TCF7L1: variants seen among roughly 807,000 people sequenced by gnomAD.
TCF7L1 encodes the protein transcription factor 7-like 1.
A neutral mutation model predicts 63.7 loss-of-function variants in TCF7L1; 18 were observed. The ratio of observed to expected loss-of-function variants is 0.28; its 90% CI spans 0.20 to 0.42. TCF7L1 has a LOEUF of 0.42. Ranked by LOEUF, TCF7L1 falls within the 10% of genes least tolerant of loss-of-function variation. The pLI, the probability that TCF7L1 is intolerant of heterozygous loss-of-function variation, is 1.00. For synonymous variants in TCF7L1, 355 were observed against 340.9 expected (o/e 1.04, Z -0.46); for missense variants, 654 against 779.3 (o/e 0.84, Z 1.91).
At chr2:85,270,665 C>T (rs1458547149) in intron 3 of TCF7L1, among the ~76,000 whole-genome samples, 1 of 152,062 alleles carries the variant, frequency 6.6e-6, no homozygotes, top group Admixed American at 6.6e-5. Context: ...TTTGCTATCC[C>T]AAGATTCCGA....
chr2:85,185,286 G>T lies in TCF7L1; in HGVS notation c.441+50836G>T, dbSNP rs143670190. Among the ~76,000 whole-genome samples, 1,372 of 151,862 alleles carry T rather than the reference G, an allele frequency of 9.0e-3. 19 individuals carry two copies. The highest frequency in any genetic ancestry group is 0.031 in the African/African-American group (1,295 of 41,394). On this transcript the variant is annotated intron_variant, in intron 3 of 11. Coordinates refer to ENST00000282111, the MANE Select transcript of TCF7L1 (RefSeq NM_031283.3). ...CATTTTTTTTTTTAAGAGATGGTGT[G>T]TTGCTCTGTCACCCAGGCTGGAGTG...
intron 3 of TCF7L1, among the ~76,000 whole-genome samples, chr2:85,203,598 G>A (rs1481992284): frequency 1.1e-4 from 17 of 152,034 alleles, no homozygotes; most frequent in Admixed American, 1.1e-3. Flanking sequence ...GCGTGGTGGT[G>A]TGTGCCTGTA....
At chr2:85,156,976 C>G (rs564555827) in intron 3 of TCF7L1, among the ~76,000 whole-genome samples, 1 of 152,304 alleles carries the variant, frequency 6.6e-6, no homozygotes, top group African/African-American at 2.4e-5. Flanking sequence ...ATGTTGCTAA[C>G]CATCTTACAA....
chr2:85,198,900 C>A (rs554945784), intron 3 of TCF7L1, among the ~76,000 whole-genome samples: 57 of 152,280 alleles, frequency 3.7e-4, no homozygotes, highest in African/African-American at 1.1e-3. Flanking sequence ...CAGTAGTGAT[C>A]TAAATAAGTG....
intron 3 of TCF7L1, chr2:85,167,397 G>GTA (rs1356623121): frequency 1.3e-5 from 2 of 152,112 alleles, no homozygotes; most frequent in Non-Finnish European, 2.9e-5. Flanking sequence ...TCATTACTGG[G>GTA]TATATATCCA....
intron 3 of TCF7L1, among the ~76,000 whole-genome samples, chr2:85,200,390 T>C (rs918978997): frequency 2.6e-5 from 4 of 152,204 alleles, no homozygotes; most frequent in African/African-American, 7.2e-5. Flanking sequence ...ACTTATTTTG[T>C]AGGCTATATG....
chr2:85,222,702 TA>T (rs981535310), intron 3 of TCF7L1, among the ~76,000 whole-genome samples: 2 of 149,852 alleles, frequency 1.3e-5, no homozygotes, highest in Admixed American at 6.6e-5. Flanking sequence ...TTAAAGGCTT[TA>T]AAAAAGAATA....
At chr2:85,176,505 A>C (rs191805594) in intron 3 of TCF7L1, among the ~76,000 whole-genome samples, 2 of 152,276 alleles carry the variant, frequency 1.3e-5, no homozygotes, top group Admixed American at 1.3e-4. Flanking sequence ...CCCCATGGCA[A>C]GTTCGCATCC....
intron 3 of TCF7L1, among the ~76,000 whole-genome samples, chr2:85,261,872 C>T (rs1680864507): frequency 6.6e-6 from 1 of 152,202 alleles, no homozygotes; most frequent in Non-Finnish European, 1.5e-5. Context: ...CAGAGCAAGA[C>T]AGCATCTCTT....
At chr2:85,152,957 C>T (rs573783165) in intron 3 of TCF7L1, among the ~76,000 whole-genome samples, 3 of 152,278 alleles carry the variant, frequency 2.0e-5, no homozygotes, top group South Asian at 2.1e-4. Flanking sequence ...TCAAGTTGCA[C>T]GTGGAATGTT....
intron 3 of TCF7L1, among the ~76,000 whole-genome samples, chr2:85,238,333 A>T (rs1386441521): frequency 6.6e-6 from 1 of 152,120 alleles, no homozygotes; most frequent in Non-Finnish European, 1.5e-5. Flanking sequence ...TGGGGCAGGG[A>T]AGGCCGTTCT....
At chr2:85,259,449 A>C (rs17713150) in intron 3 of TCF7L1, among the ~76,000 whole-genome samples, 7,925 of 152,246 alleles carry the variant, frequency 0.052, 285 homozygotes, top group Non-Finnish European at 0.078. Flanking sequence ...TTGTTCTTTC[A>C]GTGGTTTGGC....
chr2:85,162,191 C>T (rs780392925), intron 3 of TCF7L1, among the ~76,000 whole-genome samples: 39 of 152,126 alleles, frequency 2.6e-4, no homozygotes, highest in South Asian at 1.7e-3. Context: ...AGTATGATTA[C>T]GCCACTGCAC....
chr2:85,148,716 T>C (rs2104200870), intron 3 of TCF7L1, among the ~76,000 whole-genome samples: 1 of 152,004 alleles, frequency 6.6e-6, no homozygotes, highest in African/African-American at 2.4e-5. Flanking sequence ...AGATGTTTAG[T>C]AGCCAAATAT....
At chr2:85,267,429 C>G (rs1402686853) in intron 3 of TCF7L1, among the ~76,000 whole-genome samples, 1 of 150,292 alleles carries the variant, frequency 6.7e-6, no homozygotes, top group Non-Finnish European at 1.5e-5. Flanking sequence ...GCAGGTGGAT[C>G]ACTTGAGGTC....
chr2:85,178,949 TG>T (rs1678739121), intron 3 of TCF7L1, among the ~76,000 whole-genome samples: 1 of 152,078 alleles, frequency 6.6e-6, no homozygotes, highest in Admixed American at 6.6e-5. Context: ...AGAGGATGGA[TG>T]GAAGAAAGGG....
chr2:85,165,795 T>G (rs1450039889), intron 3 of TCF7L1, among the ~76,000 whole-genome samples: 1 of 152,194 alleles, frequency 6.6e-6, no homozygotes, highest in Non-Finnish European at 1.5e-5. Flanking sequence ...GGACATAAGA[T>G]TCGGGAGAAC....
intron 3 of TCF7L1, among the ~76,000 whole-genome samples, chr2:85,151,883 G>T (rs1678025310): frequency 6.6e-6 from 1 of 152,146 alleles, no homozygotes; most frequent in Non-Finnish European, 1.5e-5. Context: ...CCTTGTTTTA[G>T]ATCATATGGG....
intron 4 of TCF7L1, among the ~76,000 whole-genome samples, chr2:85,287,618 A>G (rs1439692148): frequency 6.6e-6 from 1 of 152,206 alleles, no homozygotes; most frequent in African/African-American, 2.4e-5. Context: ...AGTAAATTTT[A>G]TATTACCGTA....
Sources: allele counts gnomAD v4.1 joint callset (sites outside exome capture counted in the v4.1 genomes callset), GRCh38; gene constraint gnomAD v4.1.1; transcripts MANE v1.5; gene names NCBI Gene and HGNC (gene_info 2026-07-23, HGNC 2026-07-21).